The following INTS6 variants were observed in gnomAD, a reference collection of about 807,000 sequenced individuals.
The protein encoded by INTS6 is integrator complex subunit 6.
INTS6 carries 16 observed loss-of-function variants against 104.9 expected under a neutral mutation model. The observed-to-expected ratio is 0.15, with a 90% CI of 0.10 to 0.23. The LOEUF (loss-of-function observed/expected upper bound fraction) is 0.23, where lower values mean the gene tolerates loss of function less well. Among genes scored for constraint, INTS6 ranks in the 10% least tolerant of loss-of-function variants. The pLI is 1.00. For missense variants in INTS6, 584 were observed against 1,062.8 expected, an observed-to-expected ratio of 0.55 and a Z score of 6.26; for synonymous variants, 324 against 358.7, an observed-to-expected ratio of 0.90 and a Z score of 1.09.
intron 7 of INTS6, 130 bp downstream of exon 7, chr13:51,387,256 G>T: frequency 1.5e-6 from 1 of 681,830 alleles, no homozygotes; most frequent in Non-Finnish European, 2.2e-6. Context: ...GCAAGTAACA[G>T]GGTATCATAG....
At chr13:51,428,213 A>G (rs1391586796) in intron 4 of INTS6, among the ~76,000 whole-genome samples, 7 of 152,210 alleles carry the variant, frequency 4.6e-5, no homozygotes, top group Non-Finnish European at 8.8e-5. Context: ...CAAACATTCA[A>G]AAGACTTTTA....
chr13:51,349,050 T>G, the INTS6 span, among the ~76,000 whole-genome samples: 1 of 152,200 alleles, frequency 6.6e-6, no homozygotes, highest in East Asian at 1.9e-4. Context: ...TTAGCAAAAC[T>G]CATAACTTTA....
In INTS6 at chr13:51,392,229, T is replaced by C. The variant is rs557979632; in HGVS notation, c.614-2785A>G. 4.6e-5 allele frequency among the ~76,000 whole-genome samples: 7 copies of C among 152,366 alleles called. 1 individual carries two copies. In the South Asian group the frequency reaches 1.0e-3, roughly 23 times the overall value. On this transcript the variant is annotated intron_variant, in intron 5 of 17. Transcript: ENST00000311234. ...TAAAAAGCCTTCAAAAGGCTTCACA[T>C]CATACTTGGAATATAAAAATATATT...
chr13:51,397,761 G>A (rs1414734320), intron 4 of INTS6, among the ~76,000 whole-genome samples: 2 of 152,046 alleles, frequency 1.3e-5, no homozygotes, highest in African/African-American at 4.8e-5. Context: ...CAGAATAATG[G>A]ATAGATACAT....
chr13:51,410,906 T>C (rs983749273), intron 4 of INTS6, among the ~76,000 whole-genome samples: 7 of 152,002 alleles, frequency 4.6e-5, no homozygotes, highest in Admixed American at 3.3e-4. Flanking sequence ...ACCAAAGAGA[T>C]ACAGATAGAA....
At chr13:51,345,972 T>C in the INTS6 span, among the ~76,000 whole-genome samples, 1 of 152,276 alleles carries the variant, frequency 6.6e-6, no homozygotes, top group African/African-American at 2.4e-5. Context: ...GCAATCCACA[T>C]TGCATTGGGT....
At chr13:51,360,191 G>C (rs963052270), downstream of INTS6, among the ~76,000 whole-genome samples, 1 of 152,020 alleles carries the variant, frequency 6.6e-6, no homozygotes, top group African/African-American at 2.4e-5. Flanking sequence ...AGTCTAAGAT[G>C]AAACAAAGCT....
intron 3 of INTS6, among the ~76,000 whole-genome samples, chr13:51,432,479 T>C (rs183593539): frequency 1.3e-5 from 2 of 152,126 alleles, no homozygotes; most frequent in Admixed American, 6.5e-5. Context: ...CACCATCTTG[T>C]ATTGCTTGCT....
At chr13:51,414,180 T>C (rs776838408) in intron 4 of INTS6, among the ~76,000 whole-genome samples, 34 of 152,194 alleles carry the variant, frequency 2.2e-4, no homozygotes, top group Non-Finnish European at 4.6e-4. Context: ...ACCATTCAGA[T>C]AAAAGCAAAG....
At chr13:51,395,964 AT>A (rs1187401457) in intron 4 of INTS6, among the ~76,000 whole-genome samples, 1 of 151,984 alleles carries the variant, frequency 6.6e-6, no homozygotes, top group African/African-American at 2.4e-5. Context: ...CGCCCAGCTA[AT>A]TTTTGTATTT....
chr13:51,344,999 A>G, the INTS6 span, among the ~76,000 whole-genome samples: 5 of 152,244 alleles, frequency 3.3e-5, no homozygotes, highest in African/African-American at 1.2e-4. Context: ...CTGCCCAGCA[A>G]TGAGGTGTGA....
In INTS6 at chr13:51,363,984, T is replaced by G. The variant is rs1009510904; in HGVS notation, c.*1768A>C. ...AGATACTCTTGTTAAGTATGAATTTTTATCTGAATGACTTCTAATTCCTCC... is the reference window on the plus strand; with the variant it reads ...AGATACTCTTGTTAAGTATGAATTTGTATCTGAATGACTTCTAATTCCTCC... On this transcript the variant is annotated 3_prime_UTR_variant, in exon 18 of 18. Coordinates refer to ENST00000311234, the MANE Select transcript of INTS6 (RefSeq NM_012141.3). The G allele has an allele frequency of 1.1e-5, 3 of 271,394 alleles. No homozygotes were observed. Among genetic ancestry groups the G allele is most frequent in the African/African-American group, 2.2e-5 (1 of 45,480 alleles). 16.8% of individuals were successfully genotyped at this position (271,394 alleles called of 1,614,324 possible).
intron 4 of INTS6, among the ~76,000 whole-genome samples, chr13:51,422,467 C>G (rs571386550): frequency 3.5e-4 from 53 of 152,218 alleles, no homozygotes; most frequent in Non-Finnish European, 2.9e-5. Flanking sequence ...AATACTTTGC[C>G]TTTTTTCTCC....
intron 4 of INTS6, among the ~76,000 whole-genome samples, 169 bp from the exon 5 acceptor site, chr13:51,395,652 CTGTT>C (rs1956322470): frequency 6.6e-6 from 1 of 152,180 alleles, no homozygotes; most frequent in Non-Finnish European, 1.5e-5. Context: ...GCACATGATA[CTGTT>C]TAATTTTCTT....
At chr13:51,360,236 T>C (rs141964139), downstream of INTS6, among the ~76,000 whole-genome samples, 48 of 152,196 alleles carry the variant, frequency 3.2e-4, no homozygotes, top group East Asian at 8.7e-3. Context: ...AACTGATCAT[T>C]TTAACATTCA....
At chr13:51,420,842 A>G (rs1051700330) in intron 4 of INTS6, among the ~76,000 whole-genome samples, 1 of 152,066 alleles carries the variant, frequency 6.6e-6, no homozygotes, top group African/African-American at 2.4e-5. Context: ...TAGCAAGGCT[A>G]TTTCGGTCTA....
chr13:51,416,320 C>T lies in INTS6; in HGVS notation c.429+13974G>A, dbSNP rs149324566. Among the ~76,000 whole-genome samples the T allele has an allele frequency of 2.7e-4, 41 of 152,256 alleles. No homozygotes were observed. In the East Asian group the frequency reaches 7.0e-3, roughly 26 times the overall value. ...GCTGAACCAGGAAGTCAGAGTTGTA[C>T]AATCATCACCACTGTCTACTTTCAG... On this transcript the variant is annotated intron_variant, in intron 4 of 17. Transcript: ENST00000311234.
downstream of INTS6, among the ~76,000 whole-genome samples, chr13:51,360,684 A>C (rs1313586734): frequency 6.6e-6 from 1 of 152,090 alleles, no homozygotes; most frequent in Non-Finnish European, 1.5e-5. Context: ...TTAATTGCAT[A>C]ACTGATACAC....
At chr13:51,348,582 AT>A in the INTS6 span, 2 of 590,350 alleles carry the variant, frequency 3.4e-6, no homozygotes, top group Non-Finnish European at 6.0e-6. Context: ...GTTTGAGTTC[AT>A]TTCAGAGCCA....
Sources: allele counts gnomAD v4.1 joint callset (sites outside exome capture counted in the v4.1 genomes callset), GRCh38; gene constraint gnomAD v4.1.1; transcripts MANE v1.5; gene names NCBI Gene and HGNC (gene_info 2026-07-23, HGNC 2026-07-21).